Variants in TANC2 observed in about 807,000 individuals in gnomAD.
TANC2 encodes tetratricopeptide repeat, ankyrin repeat and coiled-coil containing 2, also known as protein TANC2.
In TANC2, 26 loss-of-function variants were observed where a neutral mutation model predicts 210.5. That is an observed-to-expected ratio of 0.12 (90% CI 0.09 to 0.17). The LOEUF (loss-of-function observed/expected upper bound fraction) is 0.17. TANC2 is among the 10% of genes least tolerant of loss of function. The pLI is 1.00. For synonymous variants in TANC2, 931 were observed against 967.1 expected, an observed-to-expected ratio of 0.96 and a Z score of 0.69; for missense variants, 2,129 against 2,608.9, an observed-to-expected ratio of 0.82 and a Z score of 4.01.
At chr17:63,333,037 T>C (rs886840548) in intron 11 of TANC2, among the ~76,000 whole-genome samples, 2 of 152,242 alleles carry the variant, frequency 1.3e-5, no homozygotes, top group African/African-American at 4.8e-5. Context: ...AGAGCTCTGA[T>C]GGTGACATAC....
In TANC2 at chr17:63,421,977, A is replaced by G; in HGVS notation, c.*22A>G. 2 of 1,567,320 alleles carry G rather than the reference A, an allele frequency of 1.3e-6. No homozygotes were observed. Among genetic ancestry groups the G allele is most frequent in the Non-Finnish European group, 1.7e-6 (2 of 1,157,642 alleles). Reference sequence around the variant, plus strand: ...TTAAAAGACGTTTTGTTGGAGTGAGACCCATATGTTTTCACTGCACATTTT... The same window carrying G: ...TTAAAAGACGTTTTGTTGGAGTGAGGCCCATATGTTTTCACTGCACATTTT... On this transcript the variant is annotated 3_prime_UTR_variant, in exon 28 of 28. Transcript: ENST00000689528. The surrounding 1 kb of genome is among the most constrained non-coding windows in gnomAD (Gnocchi z 6.9).
At chr17:63,036,852 T>G (rs1425917535) in intron 2 of TANC2, among the ~76,000 whole-genome samples, 1 of 151,404 alleles carries the variant, frequency 6.6e-6, no homozygotes, top group Non-Finnish European at 1.5e-5. Context: ...TAAGTTTTTT[T>G]TTTTTTTTTT....
chr17:62,970,080 C>A (rs2031607555), intron 1 of TANC2, among the ~76,000 whole-genome samples: 1 of 152,200 alleles, frequency 6.6e-6, no homozygotes, highest in Non-Finnish European at 1.5e-5. Flanking sequence ...GGAACATCAT[C>A]TTTCACAATT....
At chr17:63,304,479 A>G (rs2044830588) in intron 9 of TANC2, among the ~76,000 whole-genome samples, 1 of 152,148 alleles carries the variant, frequency 6.6e-6, no homozygotes. Context: ...CTCTGACCTC[A>G]AGGGGCACTG....
intron 3 of TANC2, among the ~76,000 whole-genome samples, chr17:63,084,284 T>G (rs566934393): frequency 4.6e-5 from 7 of 152,298 alleles, no homozygotes; most frequent in Admixed American, 3.9e-4. Flanking sequence ...GCTTATAATA[T>G]TCCTGTATTA....
At chr17:63,062,452 C>G (rs1466802041) in intron 2 of TANC2, among the ~76,000 whole-genome samples, 1 of 152,178 alleles carries the variant, frequency 6.6e-6, no homozygotes, top group Non-Finnish European at 1.5e-5. Flanking sequence ...ACATCAGTTT[C>G]AAGAGTACAC....
chr17:63,210,099 CTGCAATTGTCAGGTTT>C (rs1219608389), intron 7 of TANC2, among the ~76,000 whole-genome samples: 2 of 152,124 alleles, frequency 1.3e-5, no homozygotes, highest in African/African-American at 4.8e-5. Context: ...CTCTCTGGTT[CTGCAATTGTCAGGTTT>C]TGCTATCAAG....
chr17:63,049,599 G>T (rs749232575), intron 2 of TANC2, among the ~76,000 whole-genome samples: 1 of 152,204 alleles, frequency 6.6e-6, no homozygotes, highest in African/African-American at 2.4e-5. Flanking sequence ...GATGAGGTCA[G>T]AGAGGTAATA....
intron 1 of TANC2, among the ~76,000 whole-genome samples, chr17:62,982,372 T>C (rs1394659125): frequency 6.6e-6 from 1 of 152,160 alleles, no homozygotes; most frequent in Admixed American, 6.5e-5. Context: ...ACAAAAAAAT[T>C]AGTTCTCCCC....
At chr17:63,313,474 A>G (rs1477256719) in intron 9 of TANC2, 1 of 152,200 alleles carries the variant, frequency 6.6e-6, no homozygotes, top group Non-Finnish European at 1.5e-5. Flanking sequence ...CATTTTTAGA[A>G]AACTGTTGAC....
chr17:63,047,645 G>T (rs2035433312), intron 2 of TANC2, among the ~76,000 whole-genome samples: 1 of 152,132 alleles, frequency 6.6e-6, no homozygotes, highest in Non-Finnish European at 1.5e-5. Flanking sequence ...TATATAGACA[G>T]ACTTTTCCAA....
chr17:63,318,254 A>G (rs1481804146), intron 10 of TANC2, among the ~76,000 whole-genome samples: 3 of 152,230 alleles, frequency 2.0e-5, no homozygotes, highest in Non-Finnish European at 4.4e-5. Context: ...AATATAGCCT[A>G]TAATTTCTAC....
chr17:63,017,346 T>C (rs2143941175), intron 2 of TANC2, among the ~76,000 whole-genome samples: 1 of 152,346 alleles, frequency 6.6e-6, no homozygotes, highest in African/African-American at 2.4e-5. Context: ...ATTAAATTTT[T>C]TATTTTTTAC....
rs114095808 is a variant in TANC2 at position 63,025,592 on chromosome 17, T to A, written c.67+15966T>A. Among the ~76,000 whole-genome samples, 196 of 152,000 alleles carry A rather than the reference T, an allele frequency of 1.3e-3. 1 individual carries two copies. Among genetic ancestry groups the A allele is most frequent in the African/African-American group, 4.7e-3 (193 of 41,440 alleles). On this transcript the variant is annotated intron_variant, in intron 2 of 27. Transcript: ENST00000689528. Reference sequence around the variant, plus strand: ...GGGCGGATCACATGAGGCCAGGAGTTTAAGACAAGCCTGGGCGACGTGGCG... The same window carrying A: ...GGGCGGATCACATGAGGCCAGGAGTATAAGACAAGCCTGGGCGACGTGGCG...
At chr17:63,355,424 T>A in intron 14 of TANC2, 34 bp downstream of exon 14, 1 of 1,495,488 alleles carries the variant, frequency 6.7e-7, no homozygotes, top group Non-Finnish European at 8.9e-7. Flanking sequence ...CAATTCTGAG[T>A]CTGTTTTCTG....
chr17:63,071,394 C>T (rs1394567014), intron 2 of TANC2, among the ~76,000 whole-genome samples: 2 of 151,950 alleles, frequency 1.3e-5, no homozygotes, highest in East Asian at 1.9e-4. Context: ...TGGCCTCAAG[C>T]GATCCTCCCA....
At chr17:63,063,577 GAT>G (rs1327566690) in intron 2 of TANC2, among the ~76,000 whole-genome samples, 3 of 81,186 alleles carry the variant, frequency 3.7e-5, no homozygotes, top group African/African-American at 4.9e-5. Context: ...TGTGTGTGTA[GAT>G]ATATCTCTTA....
chr17:63,089,569 C>T (rs1411685571), intron 3 of TANC2, among the ~76,000 whole-genome samples: 1 of 152,076 alleles, frequency 6.6e-6, no homozygotes, highest in Non-Finnish European at 1.5e-5. Context: ...TCTTCTGTTG[C>T]TGATTGACTG....
At chr17:63,087,996 G>A (rs1374651847) in intron 3 of TANC2, among the ~76,000 whole-genome samples, 1 of 152,140 alleles carries the variant, frequency 6.6e-6, no homozygotes, top group African/African-American at 2.4e-5. Flanking sequence ...CATGCCAGAT[G>A]GGAAACTAGA....
Sources: gnomAD v4.1 joint callset for allele counts (sites outside exome capture counted in the v4.1 genomes callset) on GRCh38, gnomAD v4.1.1 for gene constraint, Gnocchi (gnomAD v3.1) non-coding constraint, MANE v1.5 for transcripts, NCBI Gene and HGNC (gene_info 2026-07-23, HGNC 2026-07-21) for gene names.